The following NEURL1 variants were observed in gnomAD, a reference collection of about 807,000 sequenced individuals.
NEURL1 encodes the protein E3 ubiquitin-protein ligase NEURL1.
A neutral mutation model predicts 41.2 loss-of-function variants in NEURL1; 26 were observed. The observed-to-expected ratio is 0.63, with a 90% CI of 0.46 to 0.87. The LOEUF (loss-of-function observed/expected upper bound fraction) is 0.87. NEURL1 is among the 40% of genes least tolerant of loss of function. The pLI is 0.00. For missense variants in NEURL1, 761 were observed against 871.1 expected, an observed-to-expected ratio of 0.87 and a Z score of 1.59; for synonymous variants, 400 against 402.3, an observed-to-expected ratio of 0.99 and a Z score of 0.07.
chr10:103,501,599 A>G (rs1455816316), intron 1 of NEURL1, among the ~76,000 whole-genome samples: 1 of 128,594 alleles, frequency 7.8e-6, no homozygotes, highest in Non-Finnish European at 1.7e-5. Context: ...AAGGAGAGGT[A>G]GGTATTATTC....
intron 1 of NEURL1, among the ~76,000 whole-genome samples, chr10:103,506,100 G>T (rs1246681954): frequency 6.6e-6 from 1 of 152,222 alleles, no homozygotes; most frequent in Non-Finnish European, 1.5e-5. Flanking sequence ...AGCGGTTGGG[G>T]TAAGGACGGA....
At chr10:103,549,571 G>C (rs2034992621) in intron 1 of NEURL1, among the ~76,000 whole-genome samples, 1 of 152,214 alleles carries the variant, frequency 6.6e-6, no homozygotes, top group South Asian at 2.1e-4. Context: ...GAGTAGAGAG[G>C]ATGGGGCCCT....
intron 1 of NEURL1, among the ~76,000 whole-genome samples, chr10:103,528,984 A>T (rs921135708): frequency 3.9e-5 from 6 of 152,240 alleles, no homozygotes; most frequent in African/African-American, 1.4e-4. Flanking sequence ...TCTGAGCAGC[A>T]GCCAGAAATC....
Position 103,590,531 on chromosome 10 carries a change from G to C in NEURL1, c.*159G>C, listed in dbSNP as rs1008215071. ...GAAGCCCTTGAAGGTTTGGGGAGAG[G>C]GGGGTATCAGGCAGGGAGGGGGCAG... On this transcript the variant is annotated 3_prime_UTR_variant, in exon 6 of 6. Transcript: ENST00000369780. 19 of 631,180 alleles carry C rather than the reference G, an allele frequency of 3.0e-5. No homozygotes were observed. Among genetic ancestry groups the C allele is most frequent in the Middle Eastern group, 2.9e-4 (1 of 3,472 alleles). 39.1% of individuals were successfully genotyped at this position (631,180 alleles called of 1,614,324 possible).
chr10:103,559,802 C>T (rs2035242095), intron 1 of NEURL1, among the ~76,000 whole-genome samples: 1 of 152,088 alleles, frequency 6.6e-6, no homozygotes. Flanking sequence ...GGAGGCTCCT[C>T]TAGGTCTGTG....
At chr10:103,509,048 G>A (rs1316742931) in intron 1 of NEURL1, among the ~76,000 whole-genome samples, 1 of 152,154 alleles carries the variant, frequency 6.6e-6, no homozygotes, top group Non-Finnish European at 1.5e-5. Context: ...GGCCAACATG[G>A]CGAAAGCCCA....
intron 1 of NEURL1, among the ~76,000 whole-genome samples, chr10:103,497,676 G>A (rs1256674056): frequency 2.0e-5 from 3 of 152,188 alleles, no homozygotes; most frequent in Admixed American, 6.5e-5. Flanking sequence ...TCTGAACAGC[G>A]TTGGTCTAGG....
rs753040785 is a variant in NEURL1, at chr10:103,585,137, C to T, written c.1251C>T (p.Ala417=). 6.9e-6 allele frequency: 11 copies of T among 1,591,290 alleles called. No individual in the cohort carries two copies. The African/African-American group carries it at 1.2e-4, about 17-fold the overall frequency. Residue 417 remains alanine (A), a synonymous_variant, in exon 4 of 6, where the codon GCC becomes GCT. Coordinates refer to ENST00000369780, the MANE Select transcript of NEURL1 (RefSeq NM_004210.5). ...TGCACCTCAGCCACAATGGCGCGGC[C>T]GCCGGCATGCAGCTGTGCGTGGACG... ...GELHLSHNGA[A]AGMQLCVDAS...
chr10:103,522,383 G>T (rs1211825379), intron 1 of NEURL1, among the ~76,000 whole-genome samples: 1 of 151,712 alleles, frequency 6.6e-6, no homozygotes, highest in Admixed American at 6.6e-5. Context: ...CGAGGTGAGC[G>T]GGTCACCTGA....
intron 1 of NEURL1, among the ~76,000 whole-genome samples, chr10:103,518,354 CCTCT>C (rs200602409): frequency 2.6e-5 from 4 of 152,152 alleles, no homozygotes. Context: ...CCCTTCCCTC[CCTCT>C]CTCTCCCTCT....
intron 4 of NEURL1, 90 bp downstream of exon 4, chr10:103,585,315 C>T (rs1255051313): frequency 1.7e-6 from 2 of 1,165,962 alleles, no homozygotes. Context: ...CCCCTTCCTC[C>T]AGGCTCATGA....
intron 1 of NEURL1, among the ~76,000 whole-genome samples, chr10:103,567,147 G>A (rs1475420466): frequency 6.6e-6 from 1 of 151,302 alleles, no homozygotes; most frequent in Non-Finnish European, 1.5e-5. Flanking sequence ...CCCTGCCCGG[G>A]TAATTTTTGT....
intron 1 of NEURL1, among the ~76,000 whole-genome samples, chr10:103,520,947 G>A (rs2034335406): frequency 6.6e-6 from 1 of 152,092 alleles, no homozygotes; most frequent in South Asian, 2.1e-4. Context: ...GTCTGAATAA[G>A]AGAAGGAAAA....
intron 1 of NEURL1, among the ~76,000 whole-genome samples, chr10:103,519,578 G>A (rs12252305): frequency 0.19 from 28,614 of 152,138 alleles, 3,016 homozygotes; most frequent in South Asian, 0.32. Flanking sequence ...GCTCCACATC[G>A]TATGCATCTG....
intron 1 of NEURL1, among the ~76,000 whole-genome samples, chr10:103,561,017 A>G (rs1015143704): frequency 1.3e-5 from 2 of 152,206 alleles, no homozygotes; most frequent in African/African-American, 4.8e-5. Flanking sequence ...CATGTCTGTC[A>G]TGAGGTTGCA....
In NEURL1 at chr10:103,508,788, A is replaced by G. The variant is rs1331922358; in HGVS notation, c.85+14316A>G. Among the ~76,000 whole-genome samples, 3 of 152,198 alleles carry G rather than the reference A, an allele frequency of 2.0e-5. No individual in the cohort carries two copies. Among genetic ancestry groups the G allele is most frequent in the Non-Finnish European group, 2.9e-5 (2 of 68,034 alleles). On this transcript the variant is annotated intron_variant, in intron 1 of 5. Transcript: ENST00000369780. This position sits in a 1 kb window ranked among gnomAD's most constrained non-coding sequence, Gnocchi z 4.3. ...TCAGAGGGCAGCCCGCCAGGAAACT[A>G]GGGCTCTGTGTGCATGAGGGAGTCC...
chr10:103,554,195 C>T (rs966620918), intron 1 of NEURL1, among the ~76,000 whole-genome samples: 9 of 152,336 alleles, frequency 5.9e-5, no homozygotes, highest in Admixed American at 3.9e-4. Context: ...CCCTCTTCCC[C>T]CTCTGTTCCC....
chr10:103,585,832 CAAAAA>C (rs764619225), intron 4 of NEURL1, among the ~76,000 whole-genome samples: 1 of 91,510 alleles, frequency 1.1e-5, no homozygotes, highest in Non-Finnish European at 2.4e-5. Flanking sequence ...GACTCCGTCT[CAAAAA>C]AAAAAAAAAA....
intron 1 of NEURL1, among the ~76,000 whole-genome samples, chr10:103,537,451 G>T (rs1286963304): frequency 6.6e-6 from 1 of 152,112 alleles, no homozygotes; most frequent in Non-Finnish European, 1.5e-5. Flanking sequence ...CCAGGCTGGA[G>T]TGCAGTGGTG....
Sources: allele counts gnomAD v4.1 joint callset (sites outside exome capture counted in the v4.1 genomes callset), GRCh38; gene constraint gnomAD v4.1.1; non-coding constraint Gnocchi (gnomAD v3.1); transcripts MANE v1.5; gene names NCBI Gene and HGNC (gene_info 2026-07-23, HGNC 2026-07-21).